The following CHEK2 variants were observed in gnomAD, a reference collection of about 807,000 sequenced individuals.
The protein encoded by CHEK2 is serine/threonine-protein kinase Chk2.
CHEK2 carries 71 observed loss-of-function variants against 69.1 expected under a neutral mutation model. The ratio of observed to expected loss-of-function variants is 1.03; its 90% CI spans 0.85 to 1.25. The LOEUF (loss-of-function observed/expected upper bound fraction) is 1.25. CHEK2 is among the 50% of genes most tolerant of loss of function. CHEK2 has a pLI of 0.00. For missense variants in CHEK2, 664 were observed against 649.6 expected, an observed-to-expected ratio of 1.02 and a Z score of -0.24; for synonymous variants, 189 against 226.9, an observed-to-expected ratio of 0.83 and a Z score of 1.50.
chr22:28,699,985 A>G (rs1365605852), intron 8 of CHEK2, 48 bp from the exon 9 acceptor site: 1 of 1,257,734 alleles, frequency 8.0e-7, no homozygotes, highest in Non-Finnish European at 1.2e-6. Context: ...GGGAAAACGC[A>G]CTTGGACAGA....
At position 28,730,412 on chromosome 22, in the gene CHEK2, C is replaced by T. The variant is rs184636882; in HGVS notation, c.319+3991G>A. 3.0e-5 allele frequency: 19 copies of T among 637,154 alleles called. No homozygotes were observed. Among genetic ancestry groups the T allele is most frequent in the Admixed American group, 8.7e-5 (4 of 45,902 alleles). The allele number at this position is 637,154 out of a possible 1,614,324, so 39.5% of individuals were successfully genotyped here. On this transcript the variant is annotated intron_variant, in intron 2 of 14. Coordinates refer to ENST00000404276, the MANE Select transcript of CHEK2 (RefSeq NM_007194.4). ...GGGAAAGGGAAAGACCCACAGCTAA[C>T]ATCATACTTAGACTGCAAACTGGCC... is the stretch of plus-strand genomic sequence containing the variant.
In CHEK2 at chr22:28,689,436, A is replaced by G. The variant is rs528610668; in HGVS notation, c.1462-221T>C. On this transcript the variant is annotated intron_variant, in intron 13 of 14. Coordinates refer to ENST00000404276, the MANE Select transcript of CHEK2 (RefSeq NM_007194.4). ...ATGCTCCATCAATCCTGGCTGACTC[A>G]CATCCACATGCCTAAAAGCTCTCAG... 8.0e-5 allele frequency: 42 copies of G among 523,850 alleles called. 1 individual carries two copies. The highest frequency in any genetic ancestry group is 6.1e-4 in the African/African-American group (32 of 52,432). The allele number at this position is 523,850 out of a possible 1,614,324, so 32.5% of individuals were successfully genotyped here.
intron 14 of CHEK2, 43 bp downstream of exon 14, chr22:28,689,092 T>C (rs1213261232): frequency 1.5e-6 from 2 of 1,359,212 alleles, no homozygotes; most frequent in East Asian, 2.3e-5. Flanking sequence ...TATCAGCTCC[T>C]TAAGCCCAGA....
chr22:28,726,193 ACT>A (rs945909377), intron 2 of CHEK2: 1 of 151,334 alleles, frequency 6.6e-6, no homozygotes, highest in Non-Finnish European at 1.5e-5. Context: ...ACAAAGCAAG[ACT>A]CTGTCTGAAA....
Position 28,739,134 on chromosome 22 carries a change from G to A in CHEK2, c.-7+2635C>T, listed in dbSNP as rs184599393. ...AAATACAAAAAATTAGCTGGGCATG[G>A]TGGCCCGTGCCTGTAATCCCAGCTA... is the stretch of plus-strand genomic sequence containing the variant. On this transcript the variant is annotated intron_variant, in intron 1 of 14. Coordinates refer to ENST00000404276, the MANE Select transcript of CHEK2 (RefSeq NM_007194.4). Among the ~76,000 whole-genome samples, 7 of 152,150 alleles carry A rather than the reference G, an allele frequency of 4.6e-5. No individual in the cohort carries two copies. The East Asian group carries it at 9.7e-4, about 21-fold the overall frequency.
At chr22:28,707,721 T>C (rs2053202623) in intron 7 of CHEK2, among the ~76,000 whole-genome samples, 1 of 152,236 alleles carries the variant, frequency 6.6e-6, no homozygotes, top group South Asian at 2.1e-4. Flanking sequence ...TAGAAATCTT[T>C]TTTAGGGTTT....
intron 7 of CHEK2, among the ~76,000 whole-genome samples, chr22:28,704,157 CACACACCT>C (rs1318981183): frequency 6.7e-6 from 1 of 148,160 alleles, no homozygotes; most frequent in Non-Finnish European, 1.5e-5. Context: ...CACACACACA[CACACACCT>C]ATGGCTGATA....
intron 4 of CHEK2, among the ~76,000 whole-genome samples, chr22:28,723,092 T>C (rs2053856914): frequency 6.6e-6 from 1 of 152,212 alleles, no homozygotes; most frequent in Non-Finnish European, 1.5e-5. Context: ...GTTGTTTTTG[T>C]CAGGTATCCT....
intron 9 of CHEK2, among the ~76,000 whole-genome samples, chr22:28,697,258 A>AT (rs2052628245): frequency 6.6e-6 from 1 of 152,212 alleles, no homozygotes; most frequent in African/African-American, 2.4e-5. Flanking sequence ...CACAGCAGAA[A>AT]TGTAAGGTGT....
chr22:28,721,468 A>T, intron 4 of CHEK2: 1 of 325,688 alleles, frequency 3.1e-6, no homozygotes, highest in Non-Finnish European at 6.5e-6. Flanking sequence ...TGTATTTTTA[A>T]TAGAGACAGA....
chr22:28,695,125 A>C lies in CHEK2; in HGVS notation c.1375+2T>G, dbSNP rs1483241325. ...AAATTCTTAACCCTTTCATATTCATACCTTTCTCTGAGACTTCTGCCCAGA... is the reference window on the plus strand; with the variant it reads ...AAATTCTTAACCCTTTCATATTCATCCCTTTCTCTGAGACTTCTGCCCAGA... On this transcript the variant is annotated splice_donor_variant, in intron 12 of 14. Transcript: ENST00000404276. LOFTEE classifies it high-confidence loss of function. 1 of 1,584,870 alleles carries C rather than the reference A, an allele frequency of 6.3e-7. No individual in the cohort carries two copies. The highest frequency in any genetic ancestry group is 8.7e-7 in the Non-Finnish European group (1 of 1,153,714).
At chr22:28,694,662 C>A (rs1013417946) in intron 12 of CHEK2, among the ~76,000 whole-genome samples, 1 of 152,222 alleles carries the variant, frequency 6.6e-6, no homozygotes, top group Non-Finnish European at 1.5e-5. Flanking sequence ...TTTCTACTTT[C>A]TCTTCAGGGA....
intron 1 of CHEK2, among the ~76,000 whole-genome samples, chr22:28,736,381 A>T (rs1042495901): frequency 1.3e-5 from 2 of 152,340 alleles, no homozygotes; most frequent in South Asian, 4.1e-4. Context: ...GCTTGCTCCT[A>T]AAGTGAAACA....
intron 13 of CHEK2, among the ~76,000 whole-genome samples, chr22:28,689,572 C>G (rs2052271058): frequency 6.6e-6 from 1 of 152,122 alleles, no homozygotes; most frequent in Admixed American, 6.6e-5. Context: ...TGCAGCTCCT[C>G]AAATCCTTCC....
chr22:28,728,498 A>T, intron 2 of CHEK2, among the ~76,000 whole-genome samples: 1 of 152,176 alleles, frequency 6.6e-6, no homozygotes, highest in East Asian at 1.9e-4. Flanking sequence ...GATTGAGACC[A>T]GCCTGTGCAA....
At chr22:28,700,715 G>C (rs1367134830) in intron 8 of CHEK2, among the ~76,000 whole-genome samples, 1 of 152,116 alleles carries the variant, frequency 6.6e-6, no homozygotes, top group Non-Finnish European at 1.5e-5. Context: ...CTACCTTGAT[G>C]GTTGTTATAA....
Position 28,689,141 on chromosome 22 carries a change from T to G in CHEK2, c.1536A>C (p.Leu512=). Residue 512 remains leucine (L), a synonymous_variant, in exon 14 of 15, where the codon CTA becomes CTC. Coordinates refer to ENST00000404276, the MANE Select transcript of CHEK2 (RefSeq NM_007194.4). ...ENESTALPQV[L]AQPSTSRKRP... ...TCATCAGGAATACGAATACCTGGGCTAGAACCTGGGGTAGAGCTGTGGATT... is the reference window on the plus strand; with the variant it reads ...TCATCAGGAATACGAATACCTGGGCGAGAACCTGGGGTAGAGCTGTGGATT... The G allele has an allele frequency of 6.3e-7, 1 of 1,593,492 alleles. No individual in the cohort carries two copies. The highest frequency in any genetic ancestry group is 8.5e-7 in the Non-Finnish European group (1 of 1,177,152).
intron 2 of CHEK2, among the ~76,000 whole-genome samples, chr22:28,729,707 A>G (rs1006172673): frequency 6.6e-6 from 1 of 152,096 alleles, no homozygotes; most frequent in Non-Finnish European, 1.5e-5. Context: ...AAATACTCAG[A>G]AAACTAGGAA....
chr22:28,731,386 G>A (rs2146120317), intron 2 of CHEK2, among the ~76,000 whole-genome samples: 1 of 152,248 alleles, frequency 6.6e-6, no homozygotes. Context: ...ATCACCTGAG[G>A]TCAGGAGTTT....
Sources: allele counts gnomAD v4.1 joint callset (sites outside exome capture counted in the v4.1 genomes callset), GRCh38; gene constraint gnomAD v4.1.1; transcripts MANE v1.5; gene names NCBI Gene and HGNC (gene_info 2026-07-23, HGNC 2026-07-21).